AVL9: variants seen among roughly 807,000 people sequenced by gnomAD.
AVL9 encodes AVL9 cell migration associated.
A neutral mutation model predicts 79.2 loss-of-function variants in AVL9; 49 were observed. That is an observed-to-expected ratio of 0.62 (90% CI 0.49 to 0.79). The LOEUF is 0.79. AVL9 is among the 30% of genes least tolerant of loss of function. AVL9 has a pLI of 0.00. For synonymous variants in AVL9, 299 were observed against 280.6 expected (o/e 1.07, Z -0.65); for missense variants, 682 against 776.8 (o/e 0.88, Z 1.45).
At chr7:32,503,254 T>C (rs919943384) in intron 1 of AVL9, among the ~76,000 whole-genome samples, 12 of 150,562 alleles carry the variant, frequency 8.0e-5, no homozygotes, top group Admixed American at 4.0e-4. Flanking sequence ...GGCAGGTGGA[T>C]CACTTGAGGC....
intron 8 of AVL9, 54 bp downstream of exon 8, chr7:32,554,650 T>G: frequency 8.0e-7 from 1 of 1,243,722 alleles, no homozygotes; most frequent in Non-Finnish European, 1.1e-6. Context: ...TTATTCACTT[T>G]TTTTTACATT....
intron 5 of AVL9, among the ~76,000 whole-genome samples, chr7:32,551,625 A>G (rs1316214257): frequency 1.9e-4 from 2 of 10,286 alleles, no homozygotes; most frequent in Admixed American, 8.8e-4. Context: ...TTTTTTTTTT[A>G]GGAAATAATG....
At chr7:32,574,847 C>A (rs972825151) in intron 12 of AVL9, among the ~76,000 whole-genome samples, 1 of 152,176 alleles carries the variant, frequency 6.6e-6, no homozygotes, top group Non-Finnish European at 1.5e-5. Flanking sequence ...CTTAGAACAA[C>A]TTCTTTATGC....
intron 7 of AVL9, among the ~76,000 whole-genome samples, chr7:32,554,045 A>G (rs1245391570): frequency 6.6e-6 from 1 of 152,200 alleles, no homozygotes; most frequent in African/African-American, 2.4e-5. Flanking sequence ...AATTTCATCG[A>G]TCATGAGATT....
chr7:32,531,405 A>G (rs1297971730), intron 1 of AVL9, among the ~76,000 whole-genome samples: 1 of 152,276 alleles, frequency 6.6e-6, no homozygotes, highest in African/African-American at 2.4e-5. Context: ...ATATGAATAT[A>G]CATGTTAATG....
At chr7:32,529,396 A>G (rs1402705360) in intron 1 of AVL9, among the ~76,000 whole-genome samples, 1 of 152,240 alleles carries the variant, frequency 6.6e-6, no homozygotes, top group Non-Finnish European at 1.5e-5. Flanking sequence ...AACTGGTTTC[A>G]AAGTACAGTT....
At chr7:32,519,627 AAG>A (rs148610917) in intron 1 of AVL9, among the ~76,000 whole-genome samples, 2,501 of 152,246 alleles carry the variant, frequency 0.016, 67 homozygotes, top group African/African-American at 0.057. Context: ...TTGGGTTACT[AAG>A]AGTTAAAATA....
At chr7:32,545,373 T>TTTC (rs1789440614) in intron 3 of AVL9, among the ~76,000 whole-genome samples, 2 of 130,684 alleles carry the variant, frequency 1.5e-5, no homozygotes, top group Non-Finnish European at 3.2e-5. Context: ...TCTTTTTTTT[T>TTTC]TTTTTTTTTT....
chr7:32,505,243 C>T (rs553952083), intron 1 of AVL9, among the ~76,000 whole-genome samples: 3 of 151,704 alleles, frequency 2.0e-5, no homozygotes, highest in East Asian at 2.0e-4. Flanking sequence ...ATAAACGCTT[C>T]GGCTGGGCGT....
chr7:32,543,477 G>A (rs879446214), intron 2 of AVL9, among the ~76,000 whole-genome samples: 14 of 152,194 alleles, frequency 9.2e-5, no homozygotes, highest in Non-Finnish European at 1.8e-4. Flanking sequence ...CCTTGGCCAC[G>A]CTTCTGCCAA....
Position 32,551,315 on chromosome 7 carries a change from T to C in AVL9, c.373-19T>C, listed in dbSNP as rs879094135. 6.7e-7 allele frequency: 1 copy of C among 1,495,780 alleles called. No individual in the cohort carries two copies. The highest frequency in any genetic ancestry group is 1.4e-5 in the African/African-American group (1 of 72,228). 92.7% of individuals were successfully genotyped at this position (1,495,780 alleles called of 1,614,324 possible). A position where few individuals can be genotyped will look rare whatever the true frequency, so the allele number is the denominator to read the frequency against. On this transcript the variant is annotated intron_variant, in intron 4 of 15. Coordinates refer to ENST00000318709, the MANE Select transcript of AVL9 (RefSeq NM_015060.3). Reference sequence around the variant, plus strand: ...CAACTAATTATTAATCAATGGTAATTTCTCTTTTTTCCTTTAAGCCTCTGT... The same window carrying C: ...CAACTAATTATTAATCAATGGTAATCTCTCTTTTTTCCTTTAAGCCTCTGT...
In AVL9 at chr7:32,586,771, G is replaced by A. The variant is rs1382477809; in HGVS notation, c.*2864G>A. 1 of 152,216 alleles carries A rather than the reference G, an allele frequency of 6.6e-6. No individual in the cohort carries two copies. The highest frequency in any genetic ancestry group is 1.5e-5 in the Non-Finnish European group (1 of 68,046). 9.4% of individuals were successfully genotyped at this position (152,216 alleles called of 1,614,324 possible). A position where few individuals can be genotyped will look rare whatever the true frequency, so the allele number is the denominator to read the frequency against. On this transcript the variant is annotated 3_prime_UTR_variant, in exon 16 of 16. Coordinates refer to ENST00000318709, the MANE Select transcript of AVL9 (RefSeq NM_015060.3). ...CTGGTGGCTTCACCACTATCCAGGT[G>A]ACTTAAAAGAGTGTTTGGAAAATGT...
intron 10 of AVL9, chr7:32,559,954 G>A (rs928450526): frequency 3.9e-5 from 6 of 152,022 alleles, no homozygotes; most frequent in African/African-American, 1.5e-4. Flanking sequence ...TTTTTTTAAT[G>A]TACATATCTT....
intron 1 of AVL9, among the ~76,000 whole-genome samples, chr7:32,512,991 G>A (rs1464242457): frequency 4.6e-5 from 7 of 152,122 alleles, no homozygotes; most frequent in South Asian, 2.1e-4. Flanking sequence ...AACTGTGCAC[G>A]CCTGAGGGAC....
intron 14 of AVL9, 56 bp from the exon 15 acceptor site, chr7:32,580,742 CGTGT>C (rs1004110505): frequency 1.8e-6 from 2 of 1,139,916 alleles, no homozygotes; most frequent in Non-Finnish European, 2.6e-6. Flanking sequence ...TGTCTGTGTG[CGTGT>C]GTGAGATTTT....
chr7:32,550,730 A>G (rs1182737712), intron 4 of AVL9, among the ~76,000 whole-genome samples: 1 of 152,218 alleles, frequency 6.6e-6, no homozygotes, highest in Non-Finnish European at 1.5e-5. Context: ...TTGCTCAAAT[A>G]TATAAAACAA....
chr7:32,582,110 T>C (rs1008238635), intron 15 of AVL9, among the ~76,000 whole-genome samples: 2 of 152,342 alleles, frequency 1.3e-5, no homozygotes, highest in Non-Finnish European at 1.5e-5. Context: ...TTTTCTATAT[T>C]TTTAACTTTT....
At chr7:32,546,650 A>G (rs1302526284) in intron 3 of AVL9, among the ~76,000 whole-genome samples, 8 of 151,856 alleles carry the variant, frequency 5.3e-5, no homozygotes, top group East Asian at 1.9e-4. Flanking sequence ...GTGAAACCCC[A>G]TCTCTACTAA....
intron 1 of AVL9, among the ~76,000 whole-genome samples, chr7:32,519,051 G>T (rs1788027354): frequency 6.6e-6 from 1 of 152,202 alleles, no homozygotes; most frequent in African/African-American, 2.4e-5. Flanking sequence ...CTGCATGTCT[G>T]TTATATCTAT....
Sources: allele counts gnomAD v4.1 joint callset (sites outside exome capture counted in the v4.1 genomes callset), GRCh38; gene constraint gnomAD v4.1.1; transcripts MANE v1.5; gene names NCBI Gene and HGNC (gene_info 2026-07-23, HGNC 2026-07-21).